The following DAB1 variants were observed in gnomAD, a reference collection of about 807,000 sequenced individuals.
DAB1 encodes DAB adaptor protein 1, also known as disabled homolog 1.
A neutral mutation model predicts 64.6 loss-of-function variants in DAB1; 15 were observed. The ratio of observed to expected loss-of-function variants is 0.23; its 90% CI spans 0.16 to 0.36. The LOEUF is 0.36. DAB1 is among the 10% of genes least tolerant of loss of function. DAB1 has a pLI of 1.00. For synonymous variants in DAB1, 235 were observed against 251.9 expected (o/e 0.93, Z 0.64); for missense variants, 596 against 706.7 (o/e 0.84, Z 1.78).
chr1:57,180,190 A>AG (rs1662765430), intron 2 of DAB1, among the ~76,000 whole-genome samples: 1 of 152,180 alleles, frequency 6.6e-6, no homozygotes, highest in Admixed American at 6.5e-5. Context: ...GAAAAGGAGA[A>AG]GGGGGGATCC....
At chr1:57,196,613 A>T (rs1380185812) in intron 2 of DAB1, among the ~76,000 whole-genome samples, 1 of 152,224 alleles carries the variant, frequency 6.6e-6, no homozygotes, top group African/African-American at 2.4e-5. Context: ...TTGTCACTTG[A>T]GTCACTGTGC....
intron 1 of DAB1, among the ~76,000 whole-genome samples, chr1:57,872,632 T>G (rs1643972513): frequency 6.6e-6 from 1 of 152,146 alleles, no homozygotes; most frequent in African/African-American, 2.4e-5. Context: ...CAGTCCCCAT[T>G]GGGAGAACAA....
At chr1:57,968,182 C>G (rs1645715229) in intron 5 of DAB1, among the ~76,000 whole-genome samples, 1 of 152,064 alleles carries the variant, frequency 6.6e-6, no homozygotes, top group African/African-American at 2.4e-5. Context: ...GGAAATGACT[C>G]TAGGGTCTCC....
At chr1:57,397,597 A>G (rs928960206) in intron 1 of DAB1, among the ~76,000 whole-genome samples, 6 of 152,176 alleles carry the variant, frequency 3.9e-5, no homozygotes, top group Admixed American at 3.3e-4. Context: ...ACTGCCATGT[A>G]TGGGAGGCAG....
chr1:58,226,805 G>A (rs572966682), intron 4 of DAB1, among the ~76,000 whole-genome samples: 2 of 152,246 alleles, frequency 1.3e-5, no homozygotes, highest in South Asian at 2.1e-4. Context: ...AGCACAGAGC[G>A]ATAGGTTTTG....
chr1:57,292,517 A>G (rs966139198), intron 1 of DAB1, among the ~76,000 whole-genome samples: 2 of 152,120 alleles, frequency 1.3e-5, no homozygotes, highest in Non-Finnish European at 2.9e-5. Context: ...TATACCATCT[A>G]TCTATACCTT....
At chr1:57,929,079 G>A (rs1388851869) in intron 5 of DAB1, among the ~76,000 whole-genome samples, 2 of 152,308 alleles carry the variant, frequency 1.3e-5, no homozygotes, top group Non-Finnish European at 2.9e-5. Context: ...AGTTTTTGTT[G>A]TTGCAAATCC....
intron 4 of DAB1, among the ~76,000 whole-genome samples, chr1:58,206,454 G>C (rs1194296089): frequency 1.3e-5 from 2 of 152,194 alleles, no homozygotes; most frequent in Admixed American, 6.5e-5. Context: ...GCCCTAAGCA[G>C]TTCCCAGCCT....
chr1:57,802,006 G>A (rs1403310828), intron 6 of DAB1, among the ~76,000 whole-genome samples: 1 of 152,178 alleles, frequency 6.6e-6, no homozygotes, highest in South Asian at 2.1e-4. Flanking sequence ...GACTATTGGG[G>A]TGCACACCCT....
chr1:57,500,916 C>A (rs1024199368), intron 7 of DAB1, among the ~76,000 whole-genome samples: 4 of 152,104 alleles, frequency 2.6e-5, no homozygotes, highest in African/African-American at 7.2e-5. Flanking sequence ...AAATCAAATT[C>A]TAGGGTTAAT....
intron 5 of DAB1, among the ~76,000 whole-genome samples, chr1:57,944,689 T>A (rs1400190863): frequency 6.6e-6 from 1 of 152,178 alleles, no homozygotes; most frequent in Non-Finnish European, 1.5e-5. Flanking sequence ...TCTAATAGTA[T>A]CTCTTCATGT....
intron 4 of DAB1, among the ~76,000 whole-genome samples, chr1:58,280,407 G>A (rs1169691000): frequency 6.6e-6 from 1 of 152,150 alleles, no homozygotes; most frequent in Non-Finnish European, 1.5e-5. Flanking sequence ...TCCAATTCTG[G>A]TTCAGCCACC....
chr1:57,845,081 A>T (rs570542937), intron 1 of DAB1, among the ~76,000 whole-genome samples: 34 of 152,274 alleles, frequency 2.2e-4, no homozygotes, highest in Middle Eastern at 3.4e-3. Context: ...CTTCCCATAG[A>T]TAGCATCAGG....
In DAB1 at chr1:57,408,093, C is replaced by T. The variant is rs976468544; in HGVS notation, c.-137+15837G>A. 5.4e-4 allele frequency among the ~76,000 whole-genome samples: 82 copies of T among 152,108 alleles called. 1 individual carries two copies. The highest frequency in any genetic ancestry group is 1.5e-4 in the Non-Finnish European group (10 of 68,024). On this transcript the variant is annotated intron_variant, in intron 1 of 14. Transcript: ENST00000371236. Reference sequence around the variant, plus strand: ...TCCTCTACAGAATGAGTGGGTTGTTCTGTCAGGCTACAGGGACTGAGAGAG... The same window carrying T: ...TCCTCTACAGAATGAGTGGGTTGTTTTGTCAGGCTACAGGGACTGAGAGAG...
chr1:57,813,074 T>C (rs1250328221), intron 6 of DAB1, among the ~76,000 whole-genome samples: 3 of 152,242 alleles, frequency 2.0e-5, no homozygotes, highest in African/African-American at 4.8e-5. Flanking sequence ...CATACGTATG[T>C]ATATCATATA....
At chr1:57,469,145 C>A (rs372910079) in intron 7 of DAB1, among the ~76,000 whole-genome samples, 2 of 152,178 alleles carry the variant, frequency 1.3e-5, no homozygotes, top group Non-Finnish European at 2.9e-5. Context: ...GACAAATAAA[C>A]CTGGGGCTGA....
chr1:57,679,512 G>A (rs879488364), intron 6 of DAB1, among the ~76,000 whole-genome samples: 4 of 152,178 alleles, frequency 2.6e-5, no homozygotes, highest in Admixed American at 6.5e-5. Flanking sequence ...GGCCATGCAG[G>A]TGAGATATGG....
chr1:57,677,112 T>C (rs1256234244), intron 6 of DAB1, among the ~76,000 whole-genome samples: 1 of 152,172 alleles, frequency 6.6e-6, no homozygotes, highest in African/African-American at 2.4e-5. Flanking sequence ...AAGCTCTCTC[T>C]GGCCCTCTCT....
intron 7 of DAB1, among the ~76,000 whole-genome samples, chr1:57,606,633 T>TTATATATATGAAATATATAATATATGAAA (rs1211119481): frequency 3.1e-5 from 3 of 96,316 alleles, no homozygotes; most frequent in African/African-American, 1.2e-4. Flanking sequence ...ATGAAATATA[T>TTATATATATGAAATATATAATATATGAAA]TATATATGAA....
Sources: gnomAD v4.1 joint callset for allele counts (sites outside exome capture counted in the v4.1 genomes callset) on GRCh38, gnomAD v4.1.1 for gene constraint, MANE v1.5 for transcripts, NCBI Gene and HGNC (gene_info 2026-07-23, HGNC 2026-07-21) for gene names.